The following FBN2 variants were observed in gnomAD, a reference collection of about 807,000 sequenced individuals.
FBN2 encodes the protein fibrillin-2.
In FBN2, 105 loss-of-function variants were observed where a neutral mutation model predicts 355.6. That is an observed-to-expected ratio of 0.30 (90% CI 0.25 to 0.35). The LOEUF (loss-of-function observed/expected upper bound fraction) is 0.35, where lower values mean the gene tolerates loss of function less well. FBN2 is among the 10% of genes least tolerant of loss of function. The probability of loss-of-function intolerance (pLI) is 1.00; values close to 1 mark genes in which losing one functional copy is unlikely to be tolerated. For missense variants in FBN2, 3,280 were observed against 3,758.7 expected, an observed-to-expected ratio of 0.87 and a Z score of 3.33; for synonymous variants, 1,350 against 1,301.2, an observed-to-expected ratio of 1.04 and a Z score of -0.81.
chr5:128,473,028 T>C (rs1394848675), intron 5 of FBN2, among the ~76,000 whole-genome samples: 2 of 152,106 alleles, frequency 1.3e-5, no homozygotes, highest in African/African-American at 2.4e-5. Context: ...TCGTGATGGA[T>C]ATTTATATTG....
rs1765500865 is a variant in FBN2, at chr5:128,280,328, A to C, written c.7013-11T>G. On this transcript the variant is annotated splice_polypyrimidine_tract_variant and intron_variant, in intron 55 of 64. Coordinates refer to ENST00000262464, the MANE Select transcript of FBN2 (RefSeq NM_001999.4). Reference sequence around the variant, plus strand: ...TGCATTCATTTTCATCTTTAGAAAAACAAACAATATGAATAATGAGAAAAC... The same window carrying C: ...TGCATTCATTTTCATCTTTAGAAAACCAAACAATATGAATAATGAGAAAAC... The C allele has an allele frequency of 3.1e-6, 5 of 1,601,120 alleles. No homozygotes were observed. Among genetic ancestry groups the C allele is most frequent in the Non-Finnish European group, 4.3e-6 (5 of 1,169,100 alleles).
At chr5:128,424,030 C>T (rs1055399427) in intron 7 of FBN2, among the ~76,000 whole-genome samples, 1 of 152,002 alleles carries the variant, frequency 6.6e-6, no homozygotes, top group Non-Finnish European at 1.5e-5. Context: ...TCATGATGAA[C>T]GTGAGAAATG....
In FBN2 at chr5:128,517,497, A is replaced by T. The variant is rs1756312159; in HGVS notation, c.628+1776T>A. Among the ~76,000 whole-genome samples, 4 of 152,198 alleles carry T rather than the reference A, an allele frequency of 2.6e-5. No individual in the cohort carries two copies. In the South Asian group the frequency reaches 6.2e-4, roughly 24 times the overall value. On this transcript the variant is annotated intron_variant, in intron 5 of 64. Coordinates refer to ENST00000262464, the MANE Select transcript of FBN2 (RefSeq NM_001999.4). ...CCAAATAAAAGCATCTGGTAAAGAC[A>T]TTTAAATTCATCCTAAGTGTAACAT...
At chr5:128,413,078 C>A (rs1445464109) in intron 7 of FBN2, among the ~76,000 whole-genome samples, 5 of 152,138 alleles carry the variant, frequency 3.3e-5, no homozygotes, top group African/African-American at 7.2e-5. Context: ...GAGCTTTGGA[C>A]ATTTTGATCC....
intron 64 of FBN2, among the ~76,000 whole-genome samples, chr5:128,260,549 G>T (rs1341598886): frequency 6.6e-6 from 1 of 152,228 alleles, no homozygotes; most frequent in African/African-American, 2.4e-5. Flanking sequence ...TGGTGACCCA[G>T]AAGTGCCCAT....
intron 8 of FBN2, among the ~76,000 whole-genome samples, chr5:128,406,836 C>T (rs1016523424): frequency 6.6e-6 from 1 of 152,058 alleles, no homozygotes; most frequent in Non-Finnish European, 1.5e-5. Flanking sequence ...AAAGTGAAAC[C>T]GTGGATAAGG....
intron 5 of FBN2, among the ~76,000 whole-genome samples, chr5:128,517,081 G>A (rs1205731314): frequency 1.3e-5 from 2 of 151,788 alleles, no homozygotes; most frequent in African/African-American, 4.8e-5. Context: ...AATTTTTTTT[G>A]GAAAACATGC....
chr5:128,292,905 G>A (rs568283672), intron 48 of FBN2, among the ~76,000 whole-genome samples: 7 of 152,196 alleles, frequency 4.6e-5, no homozygotes, highest in African/African-American at 1.2e-4. Flanking sequence ...CTCCTGAACA[G>A]ACCTCCAGTA....
In FBN2 at chr5:128,393,365, T is replaced by A. The variant is rs768461866; in HGVS notation, c.1235A>T (p.Glu412Val). The A allele has an allele frequency of 2.2e-5, 35 of 1,613,660 alleles. No homozygotes were observed. The South Asian group carries it at 3.7e-4, about 17-fold the overall frequency. ...PEACPVRGSE[E>V]YRRLCMDGLP... ...TCCATCCATGCAAAGTCTGCGATAT[T>A]CCTCTAGAAGAAAAGAAAGTTGGCA... The change falls in exon 10 of 65, where the codon GAA (glutamate) becomes GTA (valine). Residue 412 changes from glutamate to valine, a missense_variant. Glu to Val is a moderately radical substitution (Grantham distance 121, BLOSUM62 -2). This residue lies in a region of FBN2 where 343 missense variants were observed against 331.0 expected (regional missense o/e 1.04). Transcript: ENST00000262464.
At chr5:128,480,736 T>A (rs544999197) in intron 5 of FBN2, among the ~76,000 whole-genome samples, 1 of 152,088 alleles carries the variant, frequency 6.6e-6, no homozygotes, top group Non-Finnish European at 1.5e-5. Flanking sequence ...AATAAATAAA[T>A]AAAGAAATAA....
chr5:128,501,316 C>T (rs1452174418), intron 5 of FBN2, among the ~76,000 whole-genome samples: 2 of 152,160 alleles, frequency 1.3e-5, no homozygotes, highest in Admixed American at 6.5e-5. Flanking sequence ...CCCAGCTGTG[C>T]TCTTCCTTTC....
At chr5:128,288,680 C>T in intron 52 of FBN2, 123 bp from the exon 53 acceptor site, 3 of 1,125,020 alleles carry the variant, frequency 2.7e-6, no homozygotes, top group Non-Finnish European at 2.7e-6. Context: ...GTAACCCTGG[C>T]ATCCCTTGGG....
rs1581185750 is a variant in FBN2, at chr5:128,282,032, C to T, written c.7013-1715G>A. 2.0e-5 allele frequency among the ~76,000 whole-genome samples: 3 copies of T among 152,226 alleles called. No individual in the cohort carries two copies. The South Asian group carries it at 6.2e-4, about 32-fold the overall frequency. ...GCTATAAGTATTCTAAAACAGATTT[C>T]TGACCATGTCTTCTTTTGTTTTCAT... On this transcript the variant is annotated intron_variant, in intron 55 of 64. Transcript: ENST00000262464.
At chr5:128,455,638 G>T (rs939027431) in intron 6 of FBN2, among the ~76,000 whole-genome samples, 4 of 152,026 alleles carry the variant, frequency 2.6e-5, no homozygotes, top group African/African-American at 9.7e-5. Flanking sequence ...CTAGAAGGCT[G>T]GCGTGATCCA....
At chr5:128,502,041 A>T (rs2127141172) in intron 5 of FBN2, among the ~76,000 whole-genome samples, 2 of 152,248 alleles carry the variant, frequency 1.3e-5, no homozygotes, top group East Asian at 3.9e-4. Context: ...ATGATTATAA[A>T]GTAAAAACCC....
chr5:128,345,922 T>C (rs947497984), intron 23 of FBN2, among the ~76,000 whole-genome samples: 2 of 152,236 alleles, frequency 1.3e-5, no homozygotes, highest in African/African-American at 4.8e-5. Context: ...GTTCAGAGAA[T>C]TGCTTCAAGT....
Position 128,335,468 on chromosome 5 carries a change from C to T in FBN2, c.3834G>A (p.Gly1278=). The change falls in exon 29 of 65, where the codon GGG becomes GGA. Residue 1278 remains glycine, a synonymous_variant. Transcript: ENST00000262464. ...CSEGYALMPD[G]RSCADIDECE... ...TCCTTTCTATACCTGCACACGATCT[C>T]CCATCTGGCATCAGGGCATAACCCT... is the stretch of plus-strand genomic sequence containing the variant. 6.2e-7 allele frequency: 1 copy of T among 1,614,214 alleles called. No individual in the cohort carries two copies.
intron 7 of FBN2, among the ~76,000 whole-genome samples, chr5:128,418,318 G>A (rs1429785853): frequency 1.3e-5 from 2 of 151,788 alleles, no homozygotes; most frequent in Admixed American, 1.3e-4. Context: ...TTGATCCTTT[G>A]TATTGTTTTT....
intron 5 of FBN2, among the ~76,000 whole-genome samples, chr5:128,481,820 A>T (rs977195611): frequency 6.6e-6 from 1 of 152,194 alleles, no homozygotes; most frequent in African/African-American, 2.4e-5. Context: ...CACACATTTC[A>T]CATTTATCAT....
Sources: gnomAD v4.1 joint callset for allele counts (sites outside exome capture counted in the v4.1 genomes callset) on GRCh38, gnomAD v4.1.1 for gene constraint, gnomAD v4.1.1 regional missense constraint, MANE v1.5 for transcripts, NCBI Gene and HGNC (gene_info 2026-07-23, HGNC 2026-07-21) for gene names.